XKR4: variants seen among roughly 807,000 people sequenced by gnomAD.
XKR4 encodes XK related 4.
In XKR4, 12 loss-of-function variants were observed where a neutral mutation model predicts 53.9. The ratio of observed to expected loss-of-function variants is 0.22; its 90% confidence interval spans 0.14 to 0.36. The LOEUF (loss-of-function observed/expected upper bound fraction) is 0.36, where lower values mean the gene tolerates loss of function less well. XKR4 is among the 10% of genes least tolerant of loss of function. The probability of loss-of-function intolerance (pLI) is 1.00; values close to 1 mark genes in which losing one functional copy is unlikely to be tolerated. For synonymous variants in XKR4, 354 were observed against 362.4 expected, an observed-to-expected ratio of 0.98 and a Z score of 0.26; for missense variants, 799 against 859.5, an observed-to-expected ratio of 0.93 and a Z score of 0.88.
chr8:55,518,945 G>A (rs888247265), intron 2 of XKR4, among the ~76,000 whole-genome samples: 2 of 152,188 alleles, frequency 1.3e-5, no homozygotes, highest in Non-Finnish European at 2.9e-5. Context: ...GGTTAAAGGA[G>A]GCTTGTTACA....
At chr8:55,399,534 G>A (rs946353635) in intron 2 of XKR4, among the ~76,000 whole-genome samples, 2 of 152,156 alleles carry the variant, frequency 1.3e-5, no homozygotes, top group African/African-American at 4.8e-5. Context: ...TAAAATGCAT[G>A]TTCCTATTCC....
chr8:55,337,230 G>T (rs1377362665), intron 1 of XKR4, among the ~76,000 whole-genome samples: 3 of 152,044 alleles, frequency 2.0e-5, no homozygotes, highest in African/African-American at 7.2e-5. Context: ...TATCAGAAAA[G>T]AAATTATAGT....
chr8:55,146,302 G>T (rs957096768), intron 1 of XKR4, among the ~76,000 whole-genome samples: 1 of 152,216 alleles, frequency 6.6e-6, no homozygotes, highest in East Asian at 1.9e-4. Context: ...ACTGTTCAGA[G>T]TTGGGGACAA....
chr8:55,114,789 A>G (rs1271061311), intron 1 of XKR4, among the ~76,000 whole-genome samples: 1 of 152,248 alleles, frequency 6.6e-6, no homozygotes, highest in African/African-American at 2.4e-5. Flanking sequence ...CTGCTAAACC[A>G]CTGCCTGGTC....
rs537006230 is a variant in XKR4, at chr8:55,522,043, C to T, written c.1007-1238C>T. Among the ~76,000 whole-genome samples the T allele has an allele frequency of 2.2e-3, 342 of 152,256 alleles. 4 individuals are homozygous for T. The highest frequency in any genetic ancestry group is 7.7e-3 in the African/African-American group (318 of 41,552). ...TTCAGCTCATTAGGGAAGCCAGCTG[C>T]GATGCAGATTGGCATACCATTTCTG... On this transcript the variant is annotated intron_variant, in intron 2 of 2. Transcript: ENST00000327381.
chr8:55,320,321 C>G lies in XKR4; in HGVS notation c.807-37357C>G, dbSNP rs1021861316. ...TCACCTGTTAGGCTCAGAACTTGCC[C>G]TGATAATATGTAGGAGTTAAAGTAC... On this transcript the variant is annotated intron_variant, in intron 1 of 2. Transcript: ENST00000327381. 5.3e-5 allele frequency among the ~76,000 whole-genome samples: 8 copies of G among 152,210 alleles called. No homozygotes were observed. In the East Asian group the frequency reaches 1.5e-3, roughly 29 times the overall value.
intron 1 of XKR4, among the ~76,000 whole-genome samples, chr8:55,301,152 C>G (rs1348779924): frequency 1.4e-4 from 14 of 102,590 alleles, no homozygotes; most frequent in African/African-American, 8.2e-5. Flanking sequence ...CCCCTCCCCC[C>G]ACCCCACAAC....
At chr8:55,298,963 C>T (rs1420365213) in intron 1 of XKR4, among the ~76,000 whole-genome samples, 3 of 152,096 alleles carry the variant, frequency 2.0e-5, no homozygotes, top group African/African-American at 7.2e-5. Flanking sequence ...TCAGGGCATT[C>T]GCACTGACAC....
At chr8:55,495,215 G>C (rs1806324754) in intron 2 of XKR4, among the ~76,000 whole-genome samples, 1 of 152,198 alleles carries the variant, frequency 6.6e-6, no homozygotes. Context: ...AGATTGGAGT[G>C]GGCACTGACC....
intron 2 of XKR4, among the ~76,000 whole-genome samples, chr8:55,388,450 T>C (rs1382223423): frequency 6.6e-6 from 1 of 151,102 alleles, no homozygotes; most frequent in Non-Finnish European, 1.5e-5. Flanking sequence ...AGCAGAAATT[T>C]ATTTTTCACA....
chr8:55,447,385 T>C (rs1805362811), intron 2 of XKR4, among the ~76,000 whole-genome samples: 1 of 152,144 alleles, frequency 6.6e-6, no homozygotes, highest in Non-Finnish European at 1.5e-5. Flanking sequence ...AGATGGACAC[T>C]ACGGCTCCCC....
chr8:55,446,508 A>AT (rs1805349999), intron 2 of XKR4, among the ~76,000 whole-genome samples: 1 of 151,872 alleles, frequency 6.6e-6, no homozygotes, highest in Non-Finnish European at 1.5e-5. Context: ...GTCCTGGCCA[A>AT]TTTTTTTGTT....
chr8:55,508,323 A>T (rs76432802), intron 2 of XKR4, among the ~76,000 whole-genome samples: 1,787 of 152,306 alleles, frequency 0.012, 30 homozygotes, highest in African/African-American at 0.041. Flanking sequence ...CAGCAAAAAC[A>T]GCATCCAAGC....
chr8:55,320,492 G>A (rs934882731), intron 1 of XKR4, among the ~76,000 whole-genome samples: 3 of 152,158 alleles, frequency 2.0e-5, no homozygotes, highest in South Asian at 2.1e-4. Flanking sequence ...AGGGTAGAAG[G>A]GGGAGAAAGT....
intron 2 of XKR4, among the ~76,000 whole-genome samples, chr8:55,379,181 A>C (rs1198368571): frequency 7.2e-5 from 11 of 151,966 alleles, no homozygotes. Context: ...AAGACTCCAC[A>C]CTCTTCTCTC....
intron 1 of XKR4, among the ~76,000 whole-genome samples, chr8:55,114,474 G>C (rs13250174): frequency 0.54 from 81,875 of 151,850 alleles, 23,595 homozygotes; most frequent in South Asian, 0.74. Context: ...TCAGAGTCCA[G>C]AGGGTGAAGG....
At position 55,266,944 on chromosome 8, in the gene XKR4, C is replaced by T. The variant is rs926932532; in HGVS notation, c.807-90734C>T. ...AAGAGGCATTACAGGACTTGTGTCCCCTAATGATGGCCAAAATGAATTCAC... is the reference window on the plus strand; with the variant it reads ...AAGAGGCATTACAGGACTTGTGTCCTCTAATGATGGCCAAAATGAATTCAC... On this transcript the variant is annotated intron_variant, in intron 1 of 2. Coordinates refer to ENST00000327381, the MANE Select transcript of XKR4 (RefSeq NM_052898.2). Among the ~76,000 whole-genome samples the T allele has an allele frequency of 9.2e-5, 14 of 152,200 alleles. No individual in the cohort carries two copies. In the East Asian group the frequency reaches 2.5e-3, roughly 27 times the overall value.
At chr8:55,498,981 G>T (rs986532097) in intron 2 of XKR4, among the ~76,000 whole-genome samples, 13 of 152,162 alleles carry the variant, frequency 8.5e-5, no homozygotes, top group African/African-American at 2.9e-4. Flanking sequence ...TCTGCCTCAG[G>T]GGCAAGATAT....
intron 2 of XKR4, among the ~76,000 whole-genome samples, chr8:55,428,009 T>C (rs1234678729): frequency 6.6e-6 from 1 of 152,194 alleles, no homozygotes; most frequent in Non-Finnish European, 1.5e-5. Context: ...TTAAATTGTA[T>C]TGAGACAAAT....
Sources: allele counts gnomAD v4.1 joint callset (sites outside exome capture counted in the v4.1 genomes callset), GRCh38; gene constraint gnomAD v4.1.1; transcripts MANE v1.5; gene names NCBI Gene and HGNC (gene_info 2026-07-23, HGNC 2026-07-21).